Variants in MGAT1 observed in about 807,000 individuals in gnomAD.
MGAT1 encodes the protein alpha-1,3-mannosyl-glycoprotein 2-beta-N-acetylglucosaminyltransferase, also known as N-glycosyl-oligosaccharide-glycoprotein N-acetylglucosaminyltransferase I.
In MGAT1, 14 loss-of-function variants were observed where a neutral mutation model predicts 31.7. That is an observed-to-expected ratio of 0.44 (90% CI 0.29 to 0.69). The LOEUF (loss-of-function observed/expected upper bound fraction) is 0.69, where lower values mean the gene tolerates loss of function less well. MGAT1 is among the 30% of genes least tolerant of loss of function. The pLI is 0.12. For synonymous variants in MGAT1, 338 were observed against 276.0 expected, an observed-to-expected ratio of 1.22 and a Z score of -2.23; for missense variants, 557 against 626.0, an observed-to-expected ratio of 0.89 and a Z score of 1.18.
chr5:180,813,762 T>G (rs1360237123), intron 1 of MGAT1, among the ~76,000 whole-genome samples: 1 of 152,158 alleles, frequency 6.6e-6, no homozygotes, highest in Admixed American at 6.5e-5. Context: ...GCCTCGCATC[T>G]CCATCAGAAG....
chr5:180,791,769 C>T lies in MGAT1; in HGVS notation c.1203G>A (p.Leu401=), dbSNP rs370874231. The T allele has an allele frequency of 2.5e-6, 4 of 1,613,962 alleles. No individual in the cohort carries two copies. The highest frequency in any genetic ancestry group is 2.7e-5 in the African/African-American group (2 of 74,920). Reference sequence around the variant, plus strand: ...CCGACTTAAGGTCATCCATGACACCCAGAGCCTTGGCGAAAGCCTTGAAGC... The same window carrying T: ...CCGACTTAAGGTCATCCATGACACCTAGAGCCTTGGCGAAAGCCTTGAAGC... ...RDSFKAFAKA[L]GVMDDLKSGV... Residue 401 remains leucine, a synonymous_variant, in exon 2 of 2, where the codon CTG becomes CTA. Coordinates refer to ENST00000307826, the MANE Select transcript of MGAT1 (RefSeq NM_002406.4).
rs758825004 is a variant in MGAT1, at chr5:180,792,189, G to A, written c.783C>T (p.Thr261=). 6.2e-6 allele frequency: 10 copies of A among 1,613,110 alleles called. No individual in the cohort carries two copies. Among genetic ancestry groups the A allele is most frequent in the Admixed American group, 3.3e-5 (2 of 60,034 alleles). ...GCCAGCCCAGGCCAGGGAAAAAGTC[G>A]GTGCGGTAGAGCAGCTCAGGCCTGC... ...DASRPELLYR[T]DFFPGLGWLL... The change falls in exon 2 of 2, where the codon ACC becomes ACT. Residue 261 remains threonine, a synonymous_variant. Coordinates refer to ENST00000307826, the MANE Select transcript of MGAT1 (RefSeq NM_002406.4).
intron 1 of MGAT1, among the ~76,000 whole-genome samples, chr5:180,812,595 A>G (rs1424608677): frequency 6.6e-6 from 1 of 152,086 alleles, no homozygotes; most frequent in Non-Finnish European, 1.5e-5. Flanking sequence ...CATACATAAC[A>G]GGTACAAATT....
intron 1 of MGAT1, chr5:180,810,141 C>G (rs1337752245): frequency 6.6e-6 from 1 of 151,666 alleles, no homozygotes; most frequent in Non-Finnish European, 1.5e-5. Context: ...GCCCCACCCC[C>G]TCGACCCCCA....
In MGAT1 at chr5:180,802,756, C is replaced by T. The variant is rs549591035; in HGVS notation, c.-203G>A. On this transcript the variant is annotated 5_prime_UTR_variant, in exon 1 of 2. Transcript: ENST00000307826. ...GAGCGAGCCCGGTGCCCAGGCGCGT[C>T]CCAAGCGCTGCCGCGGCCGCCTCGC... The T allele has an allele frequency of 1.3e-5, 2 of 152,134 alleles. No homozygotes were observed. The highest frequency in any genetic ancestry group is 3.9e-4 in the East Asian group (2 of 5,160). The allele number at this position is 152,134 out of a possible 1,614,324, so 9.4% of individuals were successfully genotyped here. A position where few individuals can be genotyped will look rare whatever the true frequency, so the allele number is the denominator to read the frequency against.
chr5:180,806,397 A>G (rs1272300516), upstream of MGAT1, among the ~76,000 whole-genome samples: 1 of 152,196 alleles, frequency 6.6e-6, no homozygotes, highest in African/African-American at 2.4e-5. Context: ...GAAAAAGCCA[A>G]TGGTTGTCTT....
intron 1 of MGAT1, among the ~76,000 whole-genome samples, chr5:180,794,214 A>G (rs1768832510): frequency 6.8e-6 from 1 of 147,522 alleles, no homozygotes; most frequent in African/African-American, 2.5e-5. Context: ...CCCTGTCTCT[A>G]CAAGTAACAA....
intron 1 of MGAT1, among the ~76,000 whole-genome samples, chr5:180,797,332 G>A (rs1203005897): frequency 6.6e-6 from 1 of 151,452 alleles, no homozygotes; most frequent in Non-Finnish European, 1.5e-5. Context: ...AACCTGGGAG[G>A]CGGAGGTTGC....
intron 1 of MGAT1, among the ~76,000 whole-genome samples, chr5:180,811,886 T>C (rs577120347): frequency 6.6e-5 from 10 of 152,352 alleles, no homozygotes; most frequent in African/African-American, 2.4e-4. Flanking sequence ...TGTCTATTTG[T>C]AAAACACCCC....
intron 1 of MGAT1, among the ~76,000 whole-genome samples, chr5:180,797,730 G>A (rs1379342649): frequency 2.5e-5 from 3 of 118,598 alleles, no homozygotes; most frequent in African/African-American, 9.5e-5. Flanking sequence ...CCAAGCCCTG[G>A]CCTCCACCTT....
At chr5:180,813,181 A>G (rs1772680883) in intron 1 of MGAT1, among the ~76,000 whole-genome samples, 1 of 152,198 alleles carries the variant, frequency 6.6e-6, no homozygotes, top group Admixed American at 6.5e-5. Context: ...ATACACAGAA[A>G]GATGGCACAG....
chr5:180,807,847 C>G (rs1772054864), intron 2 of MGAT1, among the ~76,000 whole-genome samples: 2 of 152,224 alleles, frequency 1.3e-5, no homozygotes. Context: ...TGCCAGCACA[C>G]TATTTCAAGA....
Position 180,784,972 on chromosome 5 carries a change from C to T in MGAT1, c.*6662G>A, listed in dbSNP as rs1423742626. The T allele has an allele frequency of 1.3e-5, 2 of 152,170 alleles. No homozygotes were observed. The highest frequency in any genetic ancestry group is 2.9e-5 in the Non-Finnish European group (2 of 68,040). 9.4% of individuals were successfully genotyped at this position (152,170 alleles called of 1,614,324 possible). A position where few individuals can be genotyped will look rare whatever the true frequency, so the allele number is the denominator to read the frequency against. On this transcript the variant is annotated 3_prime_UTR_variant, in exon 2 of 2. Coordinates refer to ENST00000307826, the MANE Select transcript of MGAT1 (RefSeq NM_002406.4). ...CAAAATATTCCTCGTTGGATCATGT[C>T]AGTGGAAAGAGTATGGTTCTTCTTT... is the stretch of plus-strand genomic sequence containing the variant.
chr5:180,802,431 C>T (rs1354572721), intron 1 of MGAT1, among the ~76,000 whole-genome samples: 2 of 152,130 alleles, frequency 1.3e-5, no homozygotes, highest in Non-Finnish European at 2.9e-5. Flanking sequence ...GTCCGCGGAG[C>T]CCGCCCTTCC....
rs1433830901 is a variant in MGAT1, at chr5:180,792,685, C to A, written c.287G>T (p.Arg96Leu). 1.3e-6 allele frequency: 2 copies of A among 1,562,018 alleles called. No homozygotes were observed. Among genetic ancestry groups the A allele is most frequent in the Admixed American group, 1.9e-5 (1 of 53,932 alleles). The change falls in exon 2 of 2, where the codon CGT (arginine) becomes CTT (leucine). Residue 96 changes from arginine to leucine, a missense_variant. By Grantham distance (102) the Arg-to-Leu change is moderately radical. This residue lies in a region of MGAT1 where 167 missense variants were observed against 149.8 expected (regional missense o/e 1.11). Coordinates refer to ENST00000307826, the MANE Select transcript of MGAT1 (RefSeq NM_002406.4). ...CGCCGGCGCGGGGGTCACAGGCACA[C>A]GCGGCTGGGCGGGAGGGGCCGCGGT... ...VPTAAPPAQP[R>L]VPVTPAPAVI... is the part of the protein sequence containing the mutation.
chr5:180,799,213 C>A, intron 1 of MGAT1, among the ~76,000 whole-genome samples: 1 of 152,220 alleles, frequency 6.6e-6, no homozygotes, highest in Non-Finnish European at 1.5e-5. Context: ...GCCCTTCAGA[C>A]AGACTGTCTG....
chr5:180,794,355 T>C (rs12514155), intron 1 of MGAT1, among the ~76,000 whole-genome samples: 18,612 of 150,754 alleles, frequency 0.12, 1,216 homozygotes, highest in East Asian at 0.24. Flanking sequence ...GATTGTGCCA[T>C]TGCACTCCAG....
chr5:180,805,760 A>T (rs996749901), upstream of MGAT1, among the ~76,000 whole-genome samples: 3 of 151,886 alleles, frequency 2.0e-5, no homozygotes, highest in African/African-American at 4.8e-5. Context: ...AAAAAAAAAA[A>T]GTAAAAGCAA....
chr5:180,813,040 A>G (rs1402252838), intron 1 of MGAT1, among the ~76,000 whole-genome samples: 1 of 151,680 alleles, frequency 6.6e-6, no homozygotes, highest in African/African-American at 2.4e-5. Context: ...GTTGTTTTCA[A>G]CTTTTCACTT....
Sources: allele counts gnomAD v4.1 joint callset (sites outside exome capture counted in the v4.1 genomes callset), GRCh38; gene constraint gnomAD v4.1.1; regional missense constraint gnomAD v4.1.1; transcripts MANE v1.5; gene names NCBI Gene and HGNC (gene_info 2026-07-23, HGNC 2026-07-21).